RASEF: variants seen among roughly 807,000 people sequenced by gnomAD.
RASEF encodes RAS and EF-hand domain containing, also known as ras and EF-hand domain-containing protein.
Under a neutral mutation model 90.1 loss-of-function variants are expected in RASEF, and 68 were observed. That is an observed-to-expected ratio of 0.75 (90% CI 0.62 to 0.92). The LOEUF is 0.92. RASEF is among the 40% of genes least tolerant of loss of function. The pLI is 0.00. For missense variants in RASEF, 949 were observed against 937.2 expected, an observed-to-expected ratio of 1.01 and a Z score of -0.16; for synonymous variants, 331 against 345.2, an observed-to-expected ratio of 0.96 and a Z score of 0.46.
intron 16 of RASEF, among the ~76,000 whole-genome samples, chr9:82,988,133 C>T (rs1193199878): frequency 1.3e-5 from 2 of 152,232 alleles, no homozygotes; most frequent in Non-Finnish European, 2.9e-5. Flanking sequence ...ACCAACACAA[C>T]CATTTGAAAA....
chr9:83,075,690 C>T, the RASEF span, among the ~76,000 whole-genome samples: 5 of 151,996 alleles, frequency 3.3e-5, no homozygotes, highest in African/African-American at 4.8e-5. Context: ...GTCATAGATA[C>T]ATTCATAGTC....
At chr9:83,169,350 T>TACACACACACAC in the RASEF span, among the ~76,000 whole-genome samples, 259 of 146,084 alleles carry the variant, frequency 1.8e-3, 1 homozygote, top group African/African-American at 5.1e-3. Flanking sequence ...CTGATTTCCA[T>TACACACACACAC]ACACACACAC....
the RASEF span, among the ~76,000 whole-genome samples, chr9:83,089,904 A>AGATAGAT: frequency 2.2e-5 from 3 of 138,328 alleles, no homozygotes; most frequent in African/African-American, 8.3e-5. Context: ...ATAGATAGAT[A>AGATAGAT]GATAGATAGA....
At position 83,062,939 on chromosome 9, in the gene RASEF, G is replaced by T; in HGVS notation, c.-72C>A. 2 of 1,340,308 alleles carry T rather than the reference G, an allele frequency of 1.5e-6. No homozygotes were observed. The highest frequency in any genetic ancestry group is 1.9e-6 in the Non-Finnish European group (2 of 1,045,520). The allele number at this position is 1,340,308 out of a possible 1,614,324, so 83.0% of individuals were successfully genotyped here. A position where few individuals can be genotyped will look rare whatever the true frequency, so the allele number is the denominator to read the frequency against. ...GCAGGGCCCTCCCTGGAAGGACGGG[G>T]CCACCTGCTGCCGCCGGGAGGCCCG... On this transcript the variant is annotated 5_prime_UTR_variant, in exon 1 of 17. Coordinates refer to ENST00000376447, the MANE Select transcript of RASEF (RefSeq NM_152573.4).
intron 1 of RASEF, among the ~76,000 whole-genome samples, chr9:83,040,886 G>T (rs1030800140): frequency 6.6e-6 from 1 of 152,122 alleles, no homozygotes; most frequent in Non-Finnish European, 1.5e-5. Context: ...TTGAGACAGA[G>T]TTTCACTCTT....
intron 16 of RASEF, among the ~76,000 whole-genome samples, chr9:82,983,301 C>T (rs1348496370): frequency 2.0e-5 from 3 of 152,068 alleles, no homozygotes; most frequent in African/African-American, 7.3e-5. Context: ...ATTTTATAAC[C>T]GTTCTTTAAT....
chr9:83,107,295 T>G, the RASEF span, among the ~76,000 whole-genome samples: 1 of 152,206 alleles, frequency 6.6e-6, no homozygotes, highest in South Asian at 2.1e-4. Context: ...TCCCATCTAT[T>G]CTAGCATTTT....
At chr9:83,022,211 G>A (rs1220943338) in intron 3 of RASEF, 125 bp downstream of exon 3, 2 of 713,858 alleles carry the variant, frequency 2.8e-6, no homozygotes, top group Non-Finnish European at 4.9e-6. Flanking sequence ...TTCCTTTGCT[G>A]GGAGACTCTG....
the RASEF span, among the ~76,000 whole-genome samples, chr9:83,089,911 TAGATA>T: frequency 1.4e-5 from 2 of 147,950 alleles, no homozygotes; most frequent in Non-Finnish European, 3.0e-5. Flanking sequence ...GATAGATAGA[TAGATA>T]GATAGATAGA....
At chr9:83,077,197 T>G in the RASEF span, among the ~76,000 whole-genome samples, 1 of 152,148 alleles carries the variant, frequency 6.6e-6, no homozygotes, top group African/African-American at 2.4e-5. Flanking sequence ...CCTCTTCACT[T>G]TATGATGACA....
chr9:83,134,414 A>T, the RASEF span, among the ~76,000 whole-genome samples: 1 of 130,410 alleles, frequency 7.7e-6, no homozygotes, highest in South Asian at 2.2e-4. Context: ...AATAGCGCAC[A>T]CACACACACA....
chr9:83,101,128 A>G, the RASEF span, among the ~76,000 whole-genome samples: 8 of 152,318 alleles, frequency 5.3e-5, no homozygotes, highest in Admixed American at 3.9e-4. Flanking sequence ...TTACTTCACG[A>G]TGACATGAGG....
At chr9:83,091,429 C>T in the RASEF span, among the ~76,000 whole-genome samples, 197 of 152,220 alleles carry the variant, frequency 1.3e-3, 1 homozygote, top group Middle Eastern at 0.021. Context: ...GTGGTGCGCA[C>T]ATGTAGTCCC....
At chr9:83,102,023 G>A in the RASEF span, among the ~76,000 whole-genome samples, 1 of 151,816 alleles carries the variant, frequency 6.6e-6, no homozygotes, top group Non-Finnish European at 1.5e-5. Context: ...ATTTTAAACA[G>A]TGAAATCACA....
At chr9:83,034,949 T>G (rs916089030) in intron 1 of RASEF, among the ~76,000 whole-genome samples, 1 of 152,132 alleles carries the variant, frequency 6.6e-6, no homozygotes, top group Non-Finnish European at 1.5e-5. Context: ...CCATTATTAT[T>G]CTTAACTCCA....
chr9:83,132,992 T>C, the RASEF span, among the ~76,000 whole-genome samples: 11 of 152,234 alleles, frequency 7.2e-5, no homozygotes, highest in Non-Finnish European at 1.5e-5. Flanking sequence ...CACTCACTAT[T>C]TGCTTTGCCA....
chr9:83,092,905 CAA>C, the RASEF span, among the ~76,000 whole-genome samples: 1 of 152,158 alleles, frequency 6.6e-6, no homozygotes, highest in African/African-American at 2.4e-5. Context: ...TAGCTAGATA[CAA>C]AGTGTCAATT....
At chr9:83,115,185 T>G in the RASEF span, among the ~76,000 whole-genome samples, 1 of 152,164 alleles carries the variant, frequency 6.6e-6, no homozygotes, top group African/African-American at 2.4e-5. Context: ...GAATTTCCCC[T>G]GATATTAGGA....
At chr9:83,115,583 C>A in the RASEF span, among the ~76,000 whole-genome samples, 1 of 152,144 alleles carries the variant, frequency 6.6e-6, no homozygotes, top group South Asian at 2.1e-4. Context: ...TTAATTCAGT[C>A]TTTGAGAACA....
Sources: allele counts gnomAD v4.1 joint callset (sites outside exome capture counted in the v4.1 genomes callset), GRCh38; gene constraint gnomAD v4.1.1; transcripts MANE v1.5; gene names NCBI Gene and HGNC (gene_info 2026-07-23, HGNC 2026-07-21).